MACROD2: variants seen among roughly 807,000 people sequenced by gnomAD.
MACROD2 encodes mono-ADP ribosylhydrolase 2, also known as ADP-ribose glycohydrolase MACROD2.
In MACROD2, 36 loss-of-function variants were observed where a neutral mutation model predicts 70.4. The ratio of observed to expected loss-of-function variants is 0.51; its 90% CI spans 0.39 to 0.68. MACROD2 has a LOEUF of 0.68. Among genes scored for constraint, MACROD2 ranks in the 30% least tolerant of loss-of-function variants. The pLI is 0.00. For synonymous variants in MACROD2, 172 were observed against 178.8 expected, an observed-to-expected ratio of 0.96 and a Z score of 0.30; for missense variants, 496 against 538.4, an observed-to-expected ratio of 0.92 and a Z score of 0.78.
chr20:15,242,889 T>G (rs1157724181), intron 6 of MACROD2, among the ~76,000 whole-genome samples: 1 of 152,216 alleles, frequency 6.6e-6, no homozygotes, highest in East Asian at 1.9e-4. Context: ...GAAATGTTTT[T>G]GCAATCAATA....
intron 5 of MACROD2, among the ~76,000 whole-genome samples, chr20:14,907,590 T>C (rs2073974396): frequency 6.6e-6 from 1 of 152,028 alleles, no homozygotes; most frequent in African/African-American, 2.4e-5. Flanking sequence ...AAAAGTAAAT[T>C]AGAATTTGCT....
intron 4 of MACROD2, among the ~76,000 whole-genome samples, chr20:14,541,642 GA>G (rs2085434428): frequency 6.6e-6 from 1 of 151,758 alleles, no homozygotes; most frequent in South Asian, 2.1e-4. Context: ...ATGGATATGT[GA>G]ACAAAATGAT....
At chr20:14,843,008 A>G (rs931387076) in intron 5 of MACROD2, among the ~76,000 whole-genome samples, 3 of 151,988 alleles carry the variant, frequency 2.0e-5, no homozygotes, top group Non-Finnish European at 4.4e-5. Flanking sequence ...CCATAAACAA[A>G]AATTCAGGTC....
chr20:14,239,364 A>G (rs994072082), intron 3 of MACROD2, among the ~76,000 whole-genome samples: 1 of 152,238 alleles, frequency 6.6e-6, no homozygotes, highest in Non-Finnish European at 1.5e-5. Context: ...AACGAATTAG[A>G]GAAACTGTTT....
At chr20:15,561,903 T>A (rs893746861) in intron 8 of MACROD2, among the ~76,000 whole-genome samples, 20 of 152,044 alleles carry the variant, frequency 1.3e-4, no homozygotes, top group Admixed American at 1.2e-3. Context: ...ATTTAGTAGA[T>A]CTCAACAATT....
chr20:15,965,399 T>C (rs1028091385), intron 12 of MACROD2, among the ~76,000 whole-genome samples: 1 of 152,162 alleles, frequency 6.6e-6, no homozygotes, highest in Non-Finnish European at 1.5e-5. Flanking sequence ...GTAAACTCGA[T>C]GTAAATCACC....
chr20:15,525,032 C>T (rs1023189847), intron 8 of MACROD2, among the ~76,000 whole-genome samples: 10 of 152,176 alleles, frequency 6.6e-5, no homozygotes, highest in Non-Finnish European at 7.3e-5. Context: ...ACAGTTACTG[C>T]GATTGCCCCA....
rs531482049 is a variant in MACROD2 at position 15,915,107 on chromosome 20, G to A, written c.776-18169G>A. Among the ~76,000 whole-genome samples, 531 of 152,248 alleles carry A rather than the reference G, an allele frequency of 3.5e-3. 3 individuals carry two copies. Among genetic ancestry groups the A allele is most frequent in the South Asian group, 0.013 (61 of 4,816 alleles). On this transcript the variant is annotated intron_variant, in intron 10 of 17. Coordinates refer to ENST00000684519, the MANE Select transcript of MACROD2 (RefSeq NM_001351661.2). ...ACATGGCAGTTCTCCTACTCCTGTT[G>A]TTTAGGTTTTCTATGGAGGTTCCGT...
intron 4 of MACROD2, among the ~76,000 whole-genome samples, chr20:14,537,718 C>G (rs6135172): frequency 0.024 from 3,647 of 152,260 alleles, 65 homozygotes; most frequent in Middle Eastern, 0.065. Context: ...TCTGTTTTCT[C>G]CAGCTCATCT....
chr20:15,431,273 T>C, intron 6 of MACROD2, 132 bp from the exon 7 acceptor site: 2 of 728,798 alleles, frequency 2.7e-6, no homozygotes, highest in Non-Finnish European at 2.3e-6. Flanking sequence ...CAGTGTCCCC[T>C]ACTCCAACTC....
chr20:15,603,500 G>A (rs1296276682), intron 8 of MACROD2, among the ~76,000 whole-genome samples: 1 of 98,838 alleles, frequency 1.0e-5, no homozygotes, highest in East Asian at 2.6e-4. Context: ...AGAGTGAGAC[G>A]TCTCAAAAAA....
chr20:14,326,991 A>G lies in MACROD2; in HGVS notation c.272-166488A>G. On this transcript the variant is annotated intron_variant, in intron 3 of 17. Transcript: ENST00000684519. This position sits in a 1 kb window ranked among gnomAD's most constrained non-coding sequence, Gnocchi z 5.5. ...GTAGTTCTTCTATAGTCCTGGGCAA[A>G]CCCCAGGGAATTGTGCTAAGGTGAT... is the stretch of plus-strand genomic sequence containing the variant. The G allele has an allele frequency of 6.2e-7, 1 of 1,613,708 alleles. No homozygotes were observed. Among genetic ancestry groups the G allele is most frequent in the East Asian group, 2.2e-5 (1 of 44,844 alleles).
intron 8 of MACROD2, among the ~76,000 whole-genome samples, chr20:15,735,600 C>T (rs570467219): frequency 1.3e-5 from 2 of 152,212 alleles, no homozygotes; most frequent in East Asian, 1.9e-4. Flanking sequence ...GCTTTTAACC[C>T]GGGACAATGA....
chr20:15,673,498 T>G lies in MACROD2; in HGVS notation c.645+173651T>G, dbSNP rs143209196. Among the ~76,000 whole-genome samples, 206 of 152,258 alleles carry G rather than the reference T, an allele frequency of 1.4e-3. 2 individuals carry two copies. Among genetic ancestry groups the G allele is most frequent in the Middle Eastern group, 6.8e-3 (2 of 294 alleles). ...CCTCAGTTCCACTAAATCCCAATCT[T>G]CATAAGTGGAAGCCCAAGAATCTCT... On this transcript the variant is annotated intron_variant, in intron 8 of 17. Coordinates refer to ENST00000684519, the MANE Select transcript of MACROD2 (RefSeq NM_001351661.2).
intron 10 of MACROD2, among the ~76,000 whole-genome samples, chr20:15,888,942 C>T (rs965190611): frequency 1.3e-5 from 2 of 152,138 alleles, no homozygotes; most frequent in Non-Finnish European, 2.9e-5. Context: ...CTGCCTTTCC[C>T]CCGCCCTGCA....
At chr20:14,388,155 G>A (rs1159853129) in intron 3 of MACROD2, among the ~76,000 whole-genome samples, 3 of 151,656 alleles carry the variant, frequency 2.0e-5, no homozygotes, top group Non-Finnish European at 4.4e-5. Context: ...GACTATAGGC[G>A]CCTGCCACCA....
At position 15,019,161 on chromosome 20, in the gene MACROD2, A is replaced by ACACGCG. The variant is rs1289809106; in HGVS notation, c.419-210777_419-210772dup. On this transcript the variant is annotated intron_variant, in intron 5 of 17. Coordinates refer to ENST00000684519, the MANE Select transcript of MACROD2 (RefSeq NM_001351661.2). The stretch of plus-strand genomic sequence containing the variant: ...TTCCCTTCTTCCTCTGAACACACAC[A>ACACGCG]CACGCGCGCGCGCGCGCGGAGAGAG... Among the ~76,000 whole-genome samples the ACACGCG allele has an allele frequency of 2.6e-5, 4 of 151,868 alleles. No individual in the cohort carries two copies. The South Asian group carries it at 6.2e-4, about 24-fold the overall frequency.
At chr20:14,668,017 G>T (rs557110030) in intron 4 of MACROD2, among the ~76,000 whole-genome samples, 10 of 152,138 alleles carry the variant, frequency 6.6e-5, no homozygotes, top group African/African-American at 1.9e-4. Context: ...GCATCATGGT[G>T]CCCTCCTATA....
At chr20:14,193,829 A>T (rs2081408626) in intron 3 of MACROD2, among the ~76,000 whole-genome samples, 1 of 152,200 alleles carries the variant, frequency 6.6e-6, no homozygotes, top group Admixed American at 6.5e-5. Context: ...CCTGAGACAC[A>T]TAGTGGAGCA....
Sources: allele counts gnomAD v4.1 joint callset (sites outside exome capture counted in the v4.1 genomes callset), GRCh38; gene constraint gnomAD v4.1.1; non-coding constraint Gnocchi (gnomAD v3.1); transcripts MANE v1.5; gene names NCBI Gene and HGNC (gene_info 2026-07-23, HGNC 2026-07-21).